Variants in ARHGAP22 observed in about 807,000 individuals in gnomAD.
The protein encoded by ARHGAP22 is Rho GTPase activating protein 22, also known as rho GTPase-activating protein 22.
ARHGAP22 carries 48 observed loss-of-function variants against 59.1 expected under a neutral mutation model. The ratio of observed to expected loss-of-function variants is 0.81; its 90% CI spans 0.64 to 1.03. The LOEUF (loss-of-function observed/expected upper bound fraction) is 1.03, where lower values mean the gene tolerates loss of function less well. ARHGAP22 is among the 50% of genes least tolerant of loss of function. The probability of loss-of-function intolerance (pLI) is 0.00; values close to 1 mark genes in which losing one functional copy is unlikely to be tolerated. For synonymous variants in ARHGAP22, 445 were observed against 416.4 expected (o/e 1.07, Z -0.84); for missense variants, 1,015 against 958.7 (o/e 1.06, Z -0.78).
At position 48,645,304 on chromosome 10, in the gene ARHGAP22, G is replaced by T. The variant is rs184318064; in HGVS notation, c.52+6930C>A. Among the ~76,000 whole-genome samples, 43 of 152,104 alleles carry T rather than the reference G, an allele frequency of 2.8e-4. 1 individual carries two copies. The highest frequency in any genetic ancestry group is 9.9e-4 in the African/African-American group (41 of 41,514). On this transcript the variant is annotated intron_variant, in intron 1 of 9. Transcript: ENST00000435790. ...TACCTTGATATTAAAGCTAGATGAAGACCTTCTACAAAAAGAAAACTACCA... is the reference window on the plus strand; with the variant it reads ...TACCTTGATATTAAAGCTAGATGAATACCTTCTACAAAAAGAAAACTACCA...
At chr10:48,573,910 C>A (rs988049390) in intron 2 of ARHGAP22, among the ~76,000 whole-genome samples, 2 of 152,212 alleles carry the variant, frequency 1.3e-5, no homozygotes, top group African/African-American at 4.8e-5. Flanking sequence ...TTTCATTCTA[C>A]CTTTTTGAGC....
intron 3 of ARHGAP22, among the ~76,000 whole-genome samples, chr10:48,553,692 T>C (rs902317450): frequency 6.6e-6 from 1 of 152,160 alleles, no homozygotes; most frequent in Non-Finnish European, 1.5e-5. Context: ...GTGACTATGT[T>C]ACCTTATATG....
chr10:48,638,736 A>T (rs1054078856), intron 1 of ARHGAP22, among the ~76,000 whole-genome samples: 1 of 152,230 alleles, frequency 6.6e-6, no homozygotes, highest in African/African-American at 2.4e-5. Context: ...AAAGAGCTCT[A>T]TCTTTAAACT....
Position 48,634,223 on chromosome 10 carries a change from TA to T in ARHGAP22, c.52+18010del, listed in dbSNP as rs1389696081. On this transcript the variant is annotated intron_variant, in intron 1 of 9. Transcript: ENST00000435790. ...CAGAGGTACTGCTGTGAGTGAGCAC[TA>T]AAGATGGGTCAGCTCAGATCTGGGT... Among the ~76,000 whole-genome samples the T allele has an allele frequency of 2.6e-5, 4 of 152,286 alleles. No individual in the cohort carries two copies. In the East Asian group the frequency reaches 7.7e-4, roughly 29 times the overall value.
chr10:48,542,850 G>A (rs543776470), intron 3 of ARHGAP22, among the ~76,000 whole-genome samples: 9 of 152,286 alleles, frequency 5.9e-5, no homozygotes, highest in South Asian at 2.1e-4. Flanking sequence ...GCAGGCTGTC[G>A]GAAGAGGAGC....
At chr10:48,571,791 G>A (rs1458390968) in intron 2 of ARHGAP22, among the ~76,000 whole-genome samples, 1 of 152,192 alleles carries the variant, frequency 6.6e-6, no homozygotes, top group African/African-American at 2.4e-5. Context: ...TGGGCTATAA[G>A]GTCCAGGAAG....
chr10:48,485,335 T>C (rs1005273116), intron 3 of ARHGAP22, among the ~76,000 whole-genome samples: 3 of 152,232 alleles, frequency 2.0e-5, no homozygotes, highest in South Asian at 2.1e-4. Context: ...AAATACCTTC[T>C]AGTTTCCCTT....
At chr10:48,638,119 T>C (rs2061898089) in intron 1 of ARHGAP22, among the ~76,000 whole-genome samples, 1 of 152,124 alleles carries the variant, frequency 6.6e-6, no homozygotes, top group Non-Finnish European at 1.5e-5. Context: ...CTTCCAATCT[T>C]CCACCGTTTT....
At chr10:48,630,052 T>C (rs1172354558) in intron 1 of ARHGAP22, among the ~76,000 whole-genome samples, 1 of 152,188 alleles carries the variant, frequency 6.6e-6, no homozygotes, top group Non-Finnish European at 1.5e-5. Context: ...AGGAGTTTGA[T>C]TGGGATTGTA....
chr10:48,493,570 C>T (rs1423632874), intron 3 of ARHGAP22: 34 of 1,511,962 alleles, frequency 2.2e-5, no homozygotes, highest in African/African-American at 1.4e-4. Flanking sequence ...ACCAGGTGCA[C>T]GAGGCACTCC....
At chr10:48,530,257 A>AAAAAAAAAAAAAC (rs2054705768) in intron 3 of ARHGAP22, among the ~76,000 whole-genome samples, 1 of 151,398 alleles carries the variant, frequency 6.6e-6, no homozygotes. Context: ...AAAAAAAAAA[A>AAAAAAAAAAAAAC]AAAATCAACT....
intron 3 of ARHGAP22, among the ~76,000 whole-genome samples, chr10:48,505,210 C>T (rs1282527771): frequency 6.6e-6 from 1 of 152,270 alleles, no homozygotes; most frequent in East Asian, 1.9e-4. Flanking sequence ...GCTGTCACCA[C>T]GCCCAGCTAA....
chr10:48,572,071 A>G (rs1458085931), intron 2 of ARHGAP22, among the ~76,000 whole-genome samples: 3 of 152,150 alleles, frequency 2.0e-5, no homozygotes, highest in African/African-American at 7.2e-5. Context: ...GCCTTGCTAC[A>G]TCCTTCTTCA....
At chr10:48,557,853 T>C (rs1286432671) in intron 2 of ARHGAP22, among the ~76,000 whole-genome samples, 10 of 152,176 alleles carry the variant, frequency 6.6e-5, no homozygotes, top group African/African-American at 1.9e-4. Context: ...GTTGGGGGCC[T>C]GGGGAGCAGA....
At chr10:48,582,470 G>C (rs181742646) in intron 2 of ARHGAP22, among the ~76,000 whole-genome samples, 22 of 152,328 alleles carry the variant, frequency 1.4e-4, no homozygotes, top group Admixed American at 1.2e-3. Flanking sequence ...TGGATGAAAG[G>C]CAGATATTTA....
intron 8 of ARHGAP22, 69 bp from the exon 9 acceptor site, chr10:48,451,209 T>G (rs1482724902): frequency 1.3e-6 from 2 of 1,544,056 alleles, no homozygotes; most frequent in Non-Finnish European, 1.8e-6. Flanking sequence ...CTGCCAGTCA[T>G]GGAGAAGCTG....
intron 1 of ARHGAP22, among the ~76,000 whole-genome samples, chr10:48,611,482 C>T (rs570235058): frequency 2.6e-5 from 4 of 152,258 alleles, no homozygotes; most frequent in East Asian, 3.9e-4. Flanking sequence ...CTTCCCCAAC[C>T]GTACCAACAA....
chr10:48,529,087 TCA>T (rs1323986612), intron 3 of ARHGAP22, among the ~76,000 whole-genome samples: 8 of 150,810 alleles, frequency 5.3e-5, no homozygotes, highest in Admixed American at 1.3e-4. Flanking sequence ...TTTACTTGGG[TCA>T]GGGGAGTCAC....
rs1315158032 is a variant in ARHGAP22 at position 48,459,706 on chromosome 10, C to A, written c.637G>T (p.Gly213Trp). 1 of 1,614,174 alleles carries A rather than the reference C, an allele frequency of 6.2e-7. No individual in the cohort carries two copies. Among genetic ancestry groups the A allele is most frequent in the Middle Eastern group, 1.6e-4 (1 of 6,062 alleles). The change falls in exon 5 of 10, where the codon GGG (glycine) becomes TGG (tryptophan). Residue 213 changes from glycine (G) to tryptophan (W), a missense_variant. By Grantham distance (184) the Gly-to-Trp change is radical (BLOSUM62 -2). Coordinates refer to ENST00000249601, the MANE Select transcript of ARHGAP22 (RefSeq NM_021226.4). ...VRDLQDSFDCGEKPLFDSTTD... is the reference protein window; with the variant it reads ...VRDLQDSFDCWEKPLFDSTTD... ...CACCTGTCAAACAGTGGCTTCTCCC[C>A]ACAGTCGAAGGAATCCTGCAGGTCC...
Sources: gnomAD v4.1 joint callset for allele counts (sites outside exome capture counted in the v4.1 genomes callset) on GRCh38, gnomAD v4.1.1 for gene constraint, MANE v1.5 for transcripts, NCBI Gene and HGNC (gene_info 2026-07-23, HGNC 2026-07-21) for gene names.